The following GSDME variants were observed in gnomAD, a reference collection of about 807,000 sequenced individuals.
GSDME encodes the protein gasdermin-E.
A neutral mutation model predicts 47.5 loss-of-function variants in GSDME; 44 were observed. The ratio of observed to expected loss-of-function variants is 0.93; its 90% CI spans 0.73 to 1.19. The LOEUF is 1.19. GSDME is among the 50% of genes most tolerant of loss of function. GSDME has a pLI of 0.00. For synonymous variants in GSDME, 258 were observed against 252.8 expected (o/e 1.02, Z -0.20); for missense variants, 663 against 604.2 (o/e 1.10, Z -1.02).
At position 24,744,501 on chromosome 7, in the gene GSDME, ACTGAATGAC is replaced by A; in HGVS notation, c.404+52_404+60del. The A allele has an allele frequency of 6.4e-7, 1 of 1,564,130 alleles. No homozygotes were observed. ...CTGTCGCCCTTTTAACAAAGGTCCA[ACTGAATGAC>A]CTTTAAATGTGAGATGTGTCAAAAT... On this transcript the variant is annotated intron_variant, in intron 3 of 9. Transcript: ENST00000645220. The surrounding 1 kb of genome is among the most constrained non-coding windows in gnomAD (Gnocchi z 4.5).
At chr7:24,759,073 G>T (rs888393966), upstream of GSDME, among the ~76,000 whole-genome samples, 1 of 152,170 alleles carries the variant, frequency 6.6e-6, no homozygotes, top group African/African-American at 2.4e-5. Flanking sequence ...GTTCGAAATG[G>T]TCCATGGTGG....
chr7:24,785,860 C>T, the GSDME span, among the ~76,000 whole-genome samples: 1 of 152,224 alleles, frequency 6.6e-6, no homozygotes, highest in East Asian at 1.9e-4. Flanking sequence ...TCTTCAGCCC[C>T]ATGGCTATCT....
Position 24,725,316 on chromosome 7 carries a change from T to A in GSDME, c.405-6098A>T, listed in dbSNP as rs949417423. Among the ~76,000 whole-genome samples the A allele has an allele frequency of 1.3e-5, 2 of 152,164 alleles. No homozygotes were observed. Among genetic ancestry groups the A allele is most frequent in the Non-Finnish European group, 2.9e-5 (2 of 68,044 alleles). On this transcript the variant is annotated intron_variant, in intron 3 of 9. Coordinates refer to ENST00000645220, the MANE Select transcript of GSDME (RefSeq NM_001127453.2). This position sits in a 1 kb window ranked among gnomAD's most constrained non-coding sequence, Gnocchi z 5.1. ...GGCAGGGGCTCTGTAAATGTTTTTT[T>A]CCTTCCACTATTGGCAGGGAAGGCA...
At chr7:24,747,948 A>G (rs1018040754) in intron 2 of GSDME, among the ~76,000 whole-genome samples, 4 of 152,036 alleles carry the variant, frequency 2.6e-5, no homozygotes, top group African/African-American at 9.7e-5. Flanking sequence ...AATTACAGGC[A>G]TAAGCCACTG....
At position 24,712,994 on chromosome 7, in the gene GSDME, G is replaced by T. The variant is rs574145644; in HGVS notation, c.698-2606C>A. Reference sequence around the variant, plus strand: ...GATCGCACCATTGTACTCCAGCCTGGGCAACAAGAGTGAAACTCAGTCTCA... The same window carrying T: ...GATCGCACCATTGTACTCCAGCCTGTGCAACAAGAGTGAAACTCAGTCTCA... On this transcript the variant is annotated intron_variant, in intron 5 of 9. Coordinates refer to ENST00000645220, the MANE Select transcript of GSDME (RefSeq NM_001127453.2). This position sits in a 1 kb window ranked among gnomAD's most constrained non-coding sequence, Gnocchi z 4.4. Among the ~76,000 whole-genome samples, 2 of 150,792 alleles carry T rather than the reference G, an allele frequency of 1.3e-5. No individual in the cohort carries two copies. The highest frequency in any genetic ancestry group is 4.2e-4 in the South Asian group (2 of 4,746).
chr7:24,729,267 G>A (rs551858205), intron 3 of GSDME, among the ~76,000 whole-genome samples: 3 of 152,312 alleles, frequency 2.0e-5, no homozygotes, highest in East Asian at 1.9e-4. Flanking sequence ...AAGTTGGATC[G>A]GAAAAATCAT....
intron 8 of GSDME, 30 bp downstream of exon 8, chr7:24,706,154 G>C: frequency 6.2e-7 from 1 of 1,612,086 alleles, no homozygotes; most frequent in Non-Finnish European, 8.5e-7. Context: ...AGCAGCAGCA[G>C]CCATTTCTTT....
chr7:24,748,906 G>A (rs1371746983), intron 2 of GSDME, among the ~76,000 whole-genome samples: 1 of 152,122 alleles, frequency 6.6e-6, no homozygotes, highest in Non-Finnish European at 1.5e-5. Context: ...GCATCATTAT[G>A]TGAATGACAA....
chr7:24,788,849 T>C, the GSDME span, among the ~76,000 whole-genome samples: 28 of 152,352 alleles, frequency 1.8e-4, no homozygotes, highest in Non-Finnish European at 3.1e-4. This position sits in a 1 kb window ranked among gnomAD's most constrained non-coding sequence, Gnocchi z 4.6. Context: ...CCTCCTTTAA[T>C]GGCAGATTTG....
At chr7:24,778,086 G>GGAGA in the GSDME span, among the ~76,000 whole-genome samples, 545 of 149,534 alleles carry the variant, frequency 3.6e-3, 3 homozygotes, top group African/African-American at 0.013. The surrounding 1 kb of genome is among the most constrained non-coding windows in gnomAD (Gnocchi z 5.6). Context: ...GGTGGGGGAG[G>GGAGA]GAGAGAGAGA....
chr7:24,791,301 A>G, the GSDME span, among the ~76,000 whole-genome samples: 1 of 152,172 alleles, frequency 6.6e-6, no homozygotes, highest in Non-Finnish European at 1.5e-5. This position sits in a 1 kb window ranked among gnomAD's most constrained non-coding sequence, Gnocchi z 4.8. Flanking sequence ...TGTCCAAGCC[A>G]ATTCATAAGG....
chr7:24,781,239 G>T, the GSDME span, among the ~76,000 whole-genome samples: 2 of 152,218 alleles, frequency 1.3e-5, no homozygotes, highest in African/African-American at 4.8e-5. Context: ...GAAGGTGTGG[G>T]TGCTGGAGCT....
At chr7:24,760,279 G>A (rs1018145247), upstream of GSDME, among the ~76,000 whole-genome samples, 20 of 152,138 alleles carry the variant, frequency 1.3e-4, no homozygotes, top group African/African-American at 2.7e-4. This position sits in a 1 kb window ranked among gnomAD's most constrained non-coding sequence, Gnocchi z 4.2. Context: ...GATTTATTTC[G>A]TAAATGAATA....
At chr7:24,778,952 G>A in the GSDME span, among the ~76,000 whole-genome samples, 1 of 152,136 alleles carries the variant, frequency 6.6e-6, no homozygotes, top group African/African-American at 2.4e-5. The surrounding 1 kb of genome is among the most constrained non-coding windows in gnomAD (Gnocchi z 5.6). Flanking sequence ...TCAAACACCT[G>A]CCATACCCCA....
chr7:24,733,845 AG>A lies in GSDME; in HGVS notation c.404+10716del, dbSNP rs1181819243. Among the ~76,000 whole-genome samples, 1 of 152,208 alleles carries A rather than the reference AG, an allele frequency of 6.6e-6. No individual in the cohort carries two copies. The highest frequency in any genetic ancestry group is 2.4e-5 in the African/African-American group (1 of 41,454). On this transcript the variant is annotated intron_variant, in intron 3 of 9. Transcript: ENST00000645220. The surrounding 1 kb of genome is among the most constrained non-coding windows in gnomAD (Gnocchi z 4.3). ...CATCTCTGGACCCACCTGGGGCCCC[AG>A]GGAAATCACCTCATGTCTGAGGGGA...
upstream of GSDME, chr7:24,758,156 C>T (rs1048177057): frequency 1.3e-5 from 2 of 152,242 alleles, no homozygotes; most frequent in Non-Finnish European, 2.9e-5. This position sits in a 1 kb window ranked among gnomAD's most constrained non-coding sequence, Gnocchi z 4.6. Flanking sequence ...AACATTAGGA[C>T]CAGCTGAAAC....
At chr7:24,719,478 G>A (rs1450166528) in intron 3 of GSDME, among the ~76,000 whole-genome samples, 2 of 152,138 alleles carry the variant, frequency 1.3e-5, no homozygotes, top group African/African-American at 4.8e-5. Flanking sequence ...CAGCAGCGCC[G>A]GTTGTCAAGG....
Position 24,744,327 on chromosome 7 carries a change from C to T in GSDME, c.404+235G>A. On this transcript the variant is annotated intron_variant, in intron 3 of 9. Transcript: ENST00000645220. The surrounding 1 kb of genome is among the most constrained non-coding windows in gnomAD (Gnocchi z 4.5). ...GTGATTGAAGGAAGTACATATTTGCCTGAAGTAACATCCTTTGAAAGTGCT... is the reference window on the plus strand; with the variant it reads ...GTGATTGAAGGAAGTACATATTTGCTTGAAGTAACATCCTTTGAAAGTGCT... 1.8e-6 allele frequency: 1 copy of T among 568,816 alleles called. No individual in the cohort carries two copies. Among genetic ancestry groups the T allele is most frequent in the Non-Finnish European group, 3.1e-6 (1 of 318,016 alleles). 35.2% of individuals were successfully genotyped at this position (568,816 alleles called of 1,614,324 possible).
chr7:24,707,896 G>GC (rs1789181747), intron 7 of GSDME: 2 of 588,698 alleles, frequency 3.4e-6, no homozygotes, highest in East Asian at 5.5e-5. Context: ...TAAATTCCTG[G>GC]TTTTTTAAGC....
Sources: allele counts gnomAD v4.1 joint callset (sites outside exome capture counted in the v4.1 genomes callset), GRCh38; gene constraint gnomAD v4.1.1; non-coding constraint Gnocchi (gnomAD v3.1); transcripts MANE v1.5; gene names NCBI Gene and HGNC (gene_info 2026-07-23, HGNC 2026-07-21).